The following SEMA4F variants were observed in gnomAD, a reference collection of about 807,000 sequenced individuals.
SEMA4F encodes the protein ssemaphorin 4F, also known as semaphorin-4F.
A neutral mutation model predicts 78.4 loss-of-function variants in SEMA4F; 51 were observed. That is an observed-to-expected ratio of 0.65 (90% CI 0.52 to 0.82). The LOEUF (loss-of-function observed/expected upper bound fraction) is 0.82. SEMA4F is among the 40% of genes least tolerant of loss of function. The pLI is 0.00. For missense variants in SEMA4F, 938 were observed against 1,014.4 expected (o/e 0.92, Z 1.02); for synonymous variants, 418 against 408.7 (o/e 1.02, Z -0.27).
At chr2:74,686,284 A>G (rs1165357695), downstream of SEMA4F, among the ~76,000 whole-genome samples, 1 of 152,134 alleles carries the variant, frequency 6.6e-6, no homozygotes, top group Non-Finnish European at 1.5e-5. Context: ...TATTTTTAGT[A>G]GAGACGGGGT....
chr2:74,687,410 G>T (rs1352873016), downstream of SEMA4F, among the ~76,000 whole-genome samples: 1 of 152,168 alleles, frequency 6.6e-6, no homozygotes, highest in Non-Finnish European at 1.5e-5. Flanking sequence ...GTATTTTCTT[G>T]TTTGCTTAGT....
chr2:74,661,577 G>T (rs1404582268), intron 4 of SEMA4F, among the ~76,000 whole-genome samples: 3 of 152,172 alleles, frequency 2.0e-5, no homozygotes, highest in Non-Finnish European at 4.4e-5. Flanking sequence ...AGGTGAGGAT[G>T]CTCCCACTGT....
In SEMA4F at chr2:74,656,585, C is replaced by T; in HGVS notation, c.197C>T (p.Ser66Phe). Residue 66 changes from serine (S) to phenylalanine (F), a missense_variant, in exon 2 of 14, where the codon TCT becomes TTT. By Grantham distance (155) the Ser-to-Phe change is radical. Transcript: ENST00000357877. ...GCAGTCCCTCACACATACAATTACT[C>T]TGTTCTCCTTGTGGATCCTGCCTCC... is the stretch of plus-strand genomic sequence containing the variant. ...RFAVPHTYNYSVLLVDPASHT... is the reference protein window; with the variant it reads ...RFAVPHTYNYFVLLVDPASHT... 6.2e-7 allele frequency: 1 copy of T among 1,614,168 alleles called. No homozygotes were observed. The highest frequency in any genetic ancestry group is 8.5e-7 in the Non-Finnish European group (1 of 1,180,004).
At position 74,657,550 on chromosome 2, in the gene SEMA4F, C is replaced by A; in HGVS notation, c.298-15C>A. On this transcript the variant is annotated splice_polypyrimidine_tract_variant and intron_variant, in intron 2 of 13. Coordinates refer to ENST00000357877, the MANE Select transcript of SEMA4F (RefSeq NM_004263.5). ...TAGGGGAATCTGGGTGAAATGATCACTTCTCCTTTCTCAGATTGACTGGAT... is the reference window on the plus strand; with the variant it reads ...TAGGGGAATCTGGGTGAAATGATCAATTCTCCTTTCTCAGATTGACTGGAT... The A allele has an allele frequency of 6.2e-7, 1 of 1,613,226 alleles. No individual in the cohort carries two copies. Among genetic ancestry groups the A allele is most frequent in the Middle Eastern group, 1.6e-4 (1 of 6,062 alleles).
rs765293054 is a variant in SEMA4F, at chr2:74,673,742, G to A, written c.736G>A (p.Glu246Lys). ...ATGGGGGGATGAAGATGGAGACGAC[G>A]AAATCTACTTCTTCTTTACGGAGAC... ...AEWGDEDGDDEIYFFFTETSR... is the reference protein window; with the variant it reads ...AEWGDEDGDDKIYFFFTETSR... The change falls in exon 7 of 14, where the codon GAA becomes AAA. Residue 246 changes from glutamate (E) to lysine (K), a missense_variant. Glu to Lys is a moderately conservative substitution (Grantham distance 56, BLOSUM62 1). Coordinates refer to ENST00000357877, the MANE Select transcript of SEMA4F (RefSeq NM_004263.5). 8.1e-6 allele frequency: 13 copies of A among 1,614,058 alleles called. No homozygotes were observed. Among genetic ancestry groups the A allele is most frequent in the African/African-American group, 4.0e-5 (3 of 74,914 alleles).
Position 74,679,917 on chromosome 2 carries a change from C to A in SEMA4F, c.2021C>A (p.Ser674Tyr), listed in dbSNP as rs933051560. The A allele has an allele frequency of 1.2e-6, 2 of 1,614,086 alleles. No homozygotes were observed. ...TTCTTCTTGGGGATTCTCGCAGCAT[C>A]CCTGACTCTCATTCTGATTGGTCGG... ...AGFFLGILAASLTLILIGRRQ... is the reference protein window; with the variant it reads ...AGFFLGILAAYLTLILIGRRQ... Residue 674 changes from serine (S) to tyrosine (Y), a missense_variant, in exon 14 of 14, where the codon TCC becomes TAC. Transcript: ENST00000357877.
At chr2:74,662,284 C>T (rs997966442) in intron 4 of SEMA4F, among the ~76,000 whole-genome samples, 2 of 152,166 alleles carry the variant, frequency 1.3e-5, no homozygotes, top group South Asian at 2.1e-4. Flanking sequence ...CTTTATCAGC[C>T]TGCACTTTTC....
In SEMA4F at chr2:74,679,670, G is replaced by T; in HGVS notation, c.1774G>T (p.Ala592Ser). Residue 592 changes from alanine to serine, a missense_variant, in exon 14 of 14, where the codon GCA becomes TCA. By Grantham distance (99) the Ala-to-Ser change is moderately conservative. Coordinates refer to ENST00000357877, the MANE Select transcript of SEMA4F (RefSeq NM_004263.5). ...GGTCTTGCCATGTTCTCCAAGCTCA[G>T]CATGGGCATCCTGTGTGTGGCACCA... ...HVVLPCSPSSAWASCVWHQPS... is the reference protein window; with the variant it reads ...HVVLPCSPSSSWASCVWHQPS... The T allele has an allele frequency of 6.2e-7, 1 of 1,613,792 alleles. No homozygotes were observed.
chr2:74,679,457 C>T (rs960146490), intron 13 of SEMA4F, 123 bp downstream of exon 13: 79 of 1,476,040 alleles, frequency 5.4e-5, no homozygotes, highest in Non-Finnish European at 6.9e-5. Context: ...CCAGGAACCT[C>T]GGGCCTTAGC....
At chr2:74,697,116 G>T in the SEMA4F span, among the ~76,000 whole-genome samples, 1 of 152,260 alleles carries the variant, frequency 6.6e-6, no homozygotes, top group Non-Finnish European at 1.5e-5. Flanking sequence ...GAACAGAGTA[G>T]AAGTGTGCCT....
At chr2:74,699,431 T>A in the SEMA4F span, among the ~76,000 whole-genome samples, 1 of 152,190 alleles carries the variant, frequency 6.6e-6, no homozygotes, top group Non-Finnish European at 1.5e-5. Context: ...CTTCAGGAAC[T>A]ATCCCCTACA....
intron 8 of SEMA4F, 75 bp from the exon 9 acceptor site, chr2:74,674,813 C>A: frequency 6.4e-7 from 1 of 1,568,630 alleles, no homozygotes; most frequent in South Asian, 1.2e-5. Context: ...TCTCGGGGGT[C>A]ATCTCATTTG....
the SEMA4F span, among the ~76,000 whole-genome samples, chr2:74,692,818 A>C: frequency 6.6e-6 from 1 of 152,250 alleles, no homozygotes; most frequent in Non-Finnish European, 1.5e-5. Flanking sequence ...AAGTGGCCTT[A>C]GGTCACAAAC....
At chr2:74,707,949 C>T in the SEMA4F span, among the ~76,000 whole-genome samples, 479 of 152,190 alleles carry the variant, frequency 3.1e-3, no homozygotes, top group African/African-American at 0.011. Context: ...TGTGAGGAAA[C>T]CATCTGCGAG....
intron 4 of SEMA4F, among the ~76,000 whole-genome samples, chr2:74,661,727 T>C (rs183306947): frequency 2.0e-5 from 3 of 152,332 alleles, no homozygotes; most frequent in African/African-American, 7.2e-5. Flanking sequence ...TTGTTTGCCA[T>C]CTAGAACAAG....
chr2:74,684,700 A>C (rs1213552772), downstream of SEMA4F, among the ~76,000 whole-genome samples: 2 of 152,200 alleles, frequency 1.3e-5, no homozygotes, highest in Non-Finnish European at 2.9e-5. Flanking sequence ...GCGGTGGCTC[A>C]CATTTGTAAT....
At chr2:74,687,573 T>C (rs546993892), downstream of SEMA4F, among the ~76,000 whole-genome samples, 1 of 152,208 alleles carries the variant, frequency 6.6e-6, no homozygotes, top group Non-Finnish European at 1.5e-5. Context: ...AATATGGCCA[T>C]TGCCGAGCTG....
At chr2:74,678,127 A>G (rs1229169491) in intron 12 of SEMA4F, among the ~76,000 whole-genome samples, 1 of 152,180 alleles carries the variant, frequency 6.6e-6, no homozygotes, top group Non-Finnish European at 1.5e-5. Context: ...AACATCTAAG[A>G]GAAAAGCAAG....
chr2:74,667,142 A>G (rs1224086071), intron 5 of SEMA4F, among the ~76,000 whole-genome samples: 2 of 152,256 alleles, frequency 1.3e-5, no homozygotes, highest in Non-Finnish European at 2.9e-5. Context: ...GTTGCATACA[A>G]TTACATAATT....
Sources: allele counts gnomAD v4.1 joint callset (sites outside exome capture counted in the v4.1 genomes callset), GRCh38; gene constraint gnomAD v4.1.1; transcripts MANE v1.5; gene names NCBI Gene and HGNC (gene_info 2026-07-23, HGNC 2026-07-21).